VPS54: variants seen among roughly 807,000 people sequenced by gnomAD.
The protein encoded by VPS54 is VPS54 subunit of GARP complex, also known as vacuolar protein sorting-associated protein 54.
VPS54 carries 45 observed loss-of-function variants against 121.5 expected under a neutral mutation model. The observed-to-expected ratio is 0.37, with a 90% CI of 0.29 to 0.47. VPS54 has a LOEUF of 0.47. Among genes scored for constraint, VPS54 ranks in the 20% least tolerant of loss-of-function variants. VPS54 has a pLI of 0.99. For missense variants in VPS54, 1,090 were observed against 1,131.4 expected (o/e 0.96, Z 0.52); for synonymous variants, 371 against 385.8 (o/e 0.96, Z 0.45).
In VPS54 at chr2:63,899,536, A is replaced by C; in HGVS notation, c.2671T>G (p.Cys891Gly). 6.2e-7 allele frequency: 1 copy of C among 1,613,922 alleles called. No homozygotes were observed. The highest frequency in any genetic ancestry group is 8.5e-7 in the Non-Finnish European group (1 of 1,179,960). ...PVPSACFRNI[C>G]KQMTKMHEAI... ...TCGTGCATTTTTGTCATTTGCTTAC[A>C]AATATTCCTGAAACAGGCAGAAGGA... is the stretch of plus-strand genomic sequence containing the variant. The change falls in exon 21 of 23, where the codon TGT (cysteine) becomes GGT (glycine). Residue 891 changes from cysteine to glycine, a missense_variant. This residue lies in a region of VPS54 where 289 missense variants were observed against 374.4 expected (regional missense o/e 0.77). Transcript: ENST00000272322.
chr2:63,983,645 T>C (rs2104619412), intron 2 of VPS54, among the ~76,000 whole-genome samples: 1 of 150,238 alleles, frequency 6.7e-6, no homozygotes, highest in South Asian at 2.1e-4. Flanking sequence ...GGTTTCACCA[T>C]GTTAGCCAGG....
At chr2:63,973,210 A>T (rs1676366464) in intron 3 of VPS54, among the ~76,000 whole-genome samples, 1 of 152,160 alleles carries the variant, frequency 6.6e-6, no homozygotes, top group Admixed American at 6.5e-5. Flanking sequence ...TCAGTGTTTT[A>T]GATTTTTGCT....
intron 1 of VPS54, among the ~76,000 whole-genome samples, chr2:63,988,293 T>C (rs901485410): frequency 3.3e-5 from 5 of 152,244 alleles, no homozygotes; most frequent in Non-Finnish European, 5.9e-5. Flanking sequence ...TTCATTCTCT[T>C]GATATGATGT....
intron 20 of VPS54, among the ~76,000 whole-genome samples, chr2:63,901,012 G>A (rs574848493): frequency 5.4e-4 from 82 of 152,148 alleles, no homozygotes; most frequent in South Asian, 2.9e-3. Context: ...CACCAGCCTC[G>A]GCCTCCCAAA....
intron 3 of VPS54, among the ~76,000 whole-genome samples, chr2:63,978,573 A>C (rs1229456011): frequency 6.6e-6 from 1 of 152,154 alleles, no homozygotes; most frequent in Non-Finnish European, 1.5e-5. Context: ...AAGGTATTTA[A>C]CTATACATCA....
At chr2:63,900,717 C>G (rs146544771) in intron 20 of VPS54, among the ~76,000 whole-genome samples, 1 of 152,154 alleles carries the variant, frequency 6.6e-6, no homozygotes, top group Non-Finnish European at 1.5e-5. Context: ...TGAAAATATT[C>G]CAGGTAGAGG....
intron 9 of VPS54, among the ~76,000 whole-genome samples, chr2:63,944,922 C>T (rs942983777): frequency 6.6e-6 from 1 of 152,146 alleles, no homozygotes; most frequent in African/African-American, 2.4e-5. Context: ...AAAGGGAACA[C>T]TTATACACTG....
chr2:63,975,837 G>A (rs1254077326), intron 3 of VPS54, among the ~76,000 whole-genome samples: 3 of 152,182 alleles, frequency 2.0e-5, no homozygotes, highest in African/African-American at 7.2e-5. Flanking sequence ...CAGCTGCCTA[G>A]CCAGCAGCAG....
intron 3 of VPS54, among the ~76,000 whole-genome samples, chr2:63,976,659 C>G (rs1000107222): frequency 1.7e-4 from 26 of 151,928 alleles, no homozygotes; most frequent in Non-Finnish European, 2.9e-5. Flanking sequence ...GTTGTGTAAG[C>G]TTTGGTAAAT....
intron 5 of VPS54, among the ~76,000 whole-genome samples, chr2:63,968,155 A>G (rs1249878347): frequency 6.6e-6 from 1 of 152,130 alleles, no homozygotes; most frequent in African/African-American, 2.4e-5. Flanking sequence ...TCACAGACCT[A>G]TTTGAGAATC....
intron 1 of VPS54, among the ~76,000 whole-genome samples, chr2:64,016,829 G>A (rs573977309): frequency 6.7e-4 from 101 of 151,734 alleles, no homozygotes; most frequent in African/African-American, 2.3e-3. Context: ...GGCTGGTCTC[G>A]AACTCTGGAC....
chr2:63,996,788 A>G (rs756966700), intron 1 of VPS54, among the ~76,000 whole-genome samples: 2 of 152,098 alleles, frequency 1.3e-5, no homozygotes, highest in Non-Finnish European at 1.5e-5. Flanking sequence ...CCCCAGGCTT[A>G]TTAGGATTAG....
chr2:63,989,050 G>A (rs555362131), intron 1 of VPS54, among the ~76,000 whole-genome samples: 25 of 152,262 alleles, frequency 1.6e-4, no homozygotes, highest in South Asian at 1.2e-3. Flanking sequence ...TCTGCCTTAC[G>A]CAGTTGTAGA....
At position 63,981,793 on chromosome 2, in the gene VPS54, T is replaced by G; in HGVS notation, c.231A>C (p.Leu77Phe). Residue 77 changes from leucine (L) to phenylalanine (F), a missense_variant, in exon 3 of 23, where the codon TTA (leucine) becomes TTC (phenylalanine). Leu to Phe is a conservative substitution (Grantham distance 22). Around this residue, in one of 2 missense-constraint regions of VPS54, gnomAD observed 801 missense variants for 757.0 expected, o/e 1.06. Coordinates refer to ENST00000272322, the MANE Select transcript of VPS54 (RefSeq NM_016516.3). Reference protein sequence around the residue: ...YHSKVNLPAALNDPRLAKRES... With the variant: ...YHSKVNLPAAFNDPRLAKRES... ...CTCTTTTTGCTAATCTAGGATCGTT[T>G]AATGCTGCTGGGAGATTTACTTTGG... is the stretch of plus-strand genomic sequence containing the variant. 1 of 1,613,850 alleles carries G rather than the reference T, an allele frequency of 6.2e-7. No homozygotes were observed. The highest frequency in any genetic ancestry group is 8.5e-7 in the Non-Finnish European group (1 of 1,179,820).
intron 1 of VPS54, among the ~76,000 whole-genome samples, chr2:63,990,250 G>C (rs1677253764): frequency 6.6e-6 from 1 of 152,012 alleles, no homozygotes; most frequent in South Asian, 2.1e-4. Context: ...TCTAACTCTG[G>C]TGACTTTGGC....
At chr2:63,945,638 C>T (rs1189823342) in intron 9 of VPS54, among the ~76,000 whole-genome samples, 1 of 152,122 alleles carries the variant, frequency 6.6e-6, no homozygotes, top group East Asian at 1.9e-4. Context: ...AAGCTGATTA[C>T]AATTAGCCAA....
chr2:63,893,147 C>CTT lies in VPS54; in HGVS notation c.*281_*282dup, dbSNP rs1672294383. 1 of 470,004 alleles carries CTT rather than the reference C, an allele frequency of 2.1e-6. No homozygotes were observed. The highest frequency in any genetic ancestry group is 3.9e-6 in the Non-Finnish European group (1 of 255,192). The allele number at this position is 470,004 out of a possible 1,614,324, so 29.1% of individuals were successfully genotyped here. A position where few individuals can be genotyped will look rare whatever the true frequency, so the allele number is the denominator to read the frequency against. On this transcript the variant is annotated 3_prime_UTR_variant, in exon 23 of 23. Coordinates refer to ENST00000272322, the MANE Select transcript of VPS54 (RefSeq NM_016516.3). ...TACAGCTGTGTTACAGCTATGTGTT[C>CTT]TTTTGGATTTGGTCCAAAGAAACCT... is the stretch of plus-strand genomic sequence containing the variant.
At chr2:64,016,481 G>T (rs567837158) in intron 1 of VPS54, among the ~76,000 whole-genome samples, 1 of 152,184 alleles carries the variant, frequency 6.6e-6, no homozygotes, top group Non-Finnish European at 1.5e-5. Flanking sequence ...AAAGCTGGGG[G>T]TGGGGTGAAG....
intron 3 of VPS54, among the ~76,000 whole-genome samples, chr2:63,976,657 AGC>A (rs1409307294): frequency 6.6e-6 from 1 of 151,994 alleles, no homozygotes; most frequent in Non-Finnish European, 1.5e-5. Flanking sequence ...TTGTTGTGTA[AGC>A]TTTGGTAAAT....
Sources: gnomAD v4.1 joint callset for allele counts (sites outside exome capture counted in the v4.1 genomes callset) on GRCh38, gnomAD v4.1.1 for gene constraint, gnomAD v4.1.1 regional missense constraint, MANE v1.5 for transcripts, NCBI Gene and HGNC (gene_info 2026-07-23, HGNC 2026-07-21) for gene names.